The following NTRK2 variants were observed in gnomAD, a reference collection of about 807,000 sequenced individuals.
NTRK2 encodes BDNF/NT-3 growth factors receptor.
NTRK2 carries 13 observed loss-of-function variants against 94.5 expected under a neutral mutation model. The ratio of observed to expected loss-of-function variants is 0.14; its 90% CI spans 0.09 to 0.22. The LOEUF is 0.22. Among genes scored for constraint, NTRK2 ranks in the 10% least tolerant of loss-of-function variants. The pLI, the probability that NTRK2 is intolerant of heterozygous loss-of-function variation, is 1.00. For synonymous variants in NTRK2, 372 were observed against 407.4 expected (o/e 0.91, Z 1.05); for missense variants, 639 against 1,071.2 (o/e 0.60, Z 5.63).
chr9:84,679,598 C>T (rs2131376901), intron 2 of NTRK2, among the ~76,000 whole-genome samples: 1 of 152,280 alleles, frequency 6.6e-6, no homozygotes, highest in African/African-American at 2.4e-5. Context: ...CCTCACCAGC[C>T]TGACTGATTT....
At chr9:84,829,138 A>G (rs1328666743) in intron 12 of NTRK2, among the ~76,000 whole-genome samples, 2 of 152,020 alleles carry the variant, frequency 1.3e-5, no homozygotes, top group African/African-American at 4.8e-5. Flanking sequence ...AGCTGGGATT[A>G]CAGGCGGGTG....
intron 12 of NTRK2, chr9:84,815,576 T>C (rs3654): frequency 0.057 from 57,300 of 1,013,560 alleles, 1,828 homozygotes; most frequent in East Asian, 0.17. Context: ...TTCCACATTT[T>C]CTGTAAATAA....
chr9:84,936,983 C>A (rs918178047), intron 15 of NTRK2, among the ~76,000 whole-genome samples: 1 of 152,116 alleles, frequency 6.6e-6, no homozygotes, highest in South Asian at 2.1e-4. Flanking sequence ...ACTAGCTGGA[C>A]CTTCCACAGG....
At chr9:84,781,834 A>G (rs1449220958) in intron 12 of NTRK2, among the ~76,000 whole-genome samples, 1 of 152,186 alleles carries the variant, frequency 6.6e-6, no homozygotes, top group Non-Finnish European at 1.5e-5. Context: ...ACAAGGAACT[A>G]ACTAAACCCT....
chr9:84,852,660 CA>C (rs752061343), intron 12 of NTRK2, among the ~76,000 whole-genome samples: 7 of 152,162 alleles, frequency 4.6e-5, no homozygotes, highest in Non-Finnish European at 1.0e-4. Flanking sequence ...GTAAAAAACT[CA>C]GTGTTGTATG....
Position 84,672,430 on chromosome 9 carries a change from G to A in NTRK2, c.212+1470G>A, listed in dbSNP as rs545187847. ...ACTGTGGTGGTCTTGGACTGGGCTG[G>A]TTGAGGCTTACCAGGCTGGTCCAAA... On this transcript the variant is annotated intron_variant, in intron 2 of 18. Transcript: ENST00000277120. Among the ~76,000 whole-genome samples, 5 of 152,316 alleles carry A rather than the reference G, an allele frequency of 3.3e-5. No individual in the cohort carries two copies. The South Asian group carries it at 8.3e-4, about 25-fold the overall frequency.
At chr9:84,820,720 A>G (rs2072755084) in intron 12 of NTRK2, among the ~76,000 whole-genome samples, 1 of 152,210 alleles carries the variant, frequency 6.6e-6, no homozygotes, top group Non-Finnish European at 1.5e-5. Flanking sequence ...TGCGTTGTTC[A>G]AGGATCAAGT....
At chr9:85,006,446 A>C (rs1198218218) in intron 17 of NTRK2, among the ~76,000 whole-genome samples, 1 of 150,840 alleles carries the variant, frequency 6.6e-6, no homozygotes, top group African/African-American at 2.5e-5. Context: ...AGGCAGCTTC[A>C]AGGTGAGCCG....
chr9:84,854,062 A>C (rs1300528186), intron 12 of NTRK2, among the ~76,000 whole-genome samples: 1 of 149,066 alleles, frequency 6.7e-6, no homozygotes, highest in Admixed American at 6.7e-5. Context: ...ACAGAGTGAG[A>C]CTCTGTCTCA....
At chr9:84,690,404 C>T (rs892625068) in intron 2 of NTRK2, among the ~76,000 whole-genome samples, 36 of 152,220 alleles carry the variant, frequency 2.4e-4, no homozygotes, top group African/African-American at 8.2e-4. Context: ...TGCTGTGATT[C>T]GTGATGACTT....
At chr9:84,883,648 G>A (rs2076330966) in intron 14 of NTRK2, among the ~76,000 whole-genome samples, 1 of 152,236 alleles carries the variant, frequency 6.6e-6, no homozygotes, top group Admixed American at 6.5e-5. Context: ...TAGCGGATGA[G>A]AAGAATCTAC....
At chr9:84,934,593 G>A (rs1043200709) in intron 15 of NTRK2, among the ~76,000 whole-genome samples, 9 of 152,098 alleles carry the variant, frequency 5.9e-5, no homozygotes, top group Non-Finnish European at 4.4e-5. Context: ...AACAGAATTC[G>A]ACCAGCTGAG....
chr9:84,870,331 G>GTGTGTGTATATATATATATATA lies in NTRK2; in HGVS notation c.1633+2901_1633+2902insGTGTGTATATATATATATATAT, dbSNP rs1349303529. ...ATACATATATGTGGGGTGTGTGTGT[G>GTGTGTGTATATATATATATATA]TATATATATATATATATATATATAT... On this transcript the variant is annotated intron_variant, in intron 14 of 18. Transcript: ENST00000277120. Among the ~76,000 whole-genome samples the GTGTGTGTATATATATATATATA allele has an allele frequency of 2.1e-3, 64 of 31,166 alleles. 1 individual carries two copies. Among genetic ancestry groups the GTGTGTGTATATATATATATATA allele is most frequent in the Non-Finnish European group, 2.6e-3 (38 of 14,744 alleles). 20.4% of individuals were successfully genotyped at this position (31,166 alleles called of 152,430 possible).
At chr9:85,001,648 A>T (rs952632273) in intron 17 of NTRK2, among the ~76,000 whole-genome samples, 2 of 152,226 alleles carry the variant, frequency 1.3e-5, no homozygotes, top group South Asian at 2.1e-4. Flanking sequence ...GGAACATTCT[A>T]TCAAAAGACC....
chr9:84,874,008 A>G (rs2075972137), intron 14 of NTRK2: 4 of 1,064,202 alleles, frequency 3.8e-6, no homozygotes, highest in African/African-American at 3.3e-5. Context: ...ATTTCACCAA[A>G]GCATCAGTGA....
At chr9:84,975,506 G>A (rs1016628211) in intron 17 of NTRK2, among the ~76,000 whole-genome samples, 13 of 152,276 alleles carry the variant, frequency 8.5e-5, no homozygotes, top group Non-Finnish European at 1.3e-4. Flanking sequence ...TCACATTGGC[G>A]TTATTTGTCA....
At chr9:85,001,660 A>G (rs1830353240) in intron 17 of NTRK2, among the ~76,000 whole-genome samples, 1 of 152,204 alleles carries the variant, frequency 6.6e-6, no homozygotes, top group Non-Finnish European at 1.5e-5. Context: ...CAAAAGACCA[A>G]TGGCTCCATA....
At chr9:84,895,072 G>T (rs927098413) in intron 14 of NTRK2, among the ~76,000 whole-genome samples, 2 of 152,172 alleles carry the variant, frequency 1.3e-5, no homozygotes, top group African/African-American at 2.4e-5. Context: ...GGAAGTGAAG[G>T]GTGGGGAGAC....
intron 14 of NTRK2, among the ~76,000 whole-genome samples, chr9:84,905,100 A>G (rs562346454): frequency 6.6e-6 from 1 of 152,312 alleles, no homozygotes; most frequent in African/African-American, 2.4e-5. Context: ...AGAATTTGCT[A>G]GGTAGAGTTA....
Sources: gnomAD v4.1 joint callset for allele counts (sites outside exome capture counted in the v4.1 genomes callset) on GRCh38, gnomAD v4.1.1 for gene constraint, MANE v1.5 for transcripts, NCBI Gene and HGNC (gene_info 2026-07-23, HGNC 2026-07-21) for gene names.